SPATA31H1: variants seen among roughly 807,000 people sequenced by gnomAD.
SPATA31H1 encodes spermatogenesis-associated protein 31H1.
At chr2:27,571,582 G>A in the SPATA31H1 span, 1 of 398,362 alleles carries the variant, frequency 2.5e-6, no homozygotes, top group Admixed American at 4.4e-5. Flanking sequence ...AAGATGCAAG[G>A]TGAGTCTATG....
chr2:27,577,819 C>A, the SPATA31H1 span: 6 of 1,614,094 alleles, frequency 3.7e-6, no homozygotes, highest in Admixed American at 1.7e-5. The surrounding 1 kb of genome is among the most constrained non-coding windows in gnomAD (Gnocchi z 4.5). Flanking sequence ...ATGGAGGAAT[C>A]TTTAGAGGTG....
At chr2:27,577,071 T>C in the SPATA31H1 span, 21 of 1,614,004 alleles carry the variant, frequency 1.3e-5, no homozygotes, top group Non-Finnish European at 1.8e-5. The surrounding 1 kb of genome is among the most constrained non-coding windows in gnomAD (Gnocchi z 4.5). Flanking sequence ...GGCACAAGGA[T>C]TGGCATATAA....
the SPATA31H1 span, chr2:27,577,014 A>T: frequency 6.2e-7 from 1 of 1,614,114 alleles, no homozygotes; most frequent in Non-Finnish European, 8.5e-7. This position sits in a 1 kb window ranked among gnomAD's most constrained non-coding sequence, Gnocchi z 4.5. Context: ...TAAATCTGCA[A>T]ATTTGATTTC....
chr2:27,563,851 G>C, the SPATA31H1 span, among the ~76,000 whole-genome samples: 1 of 151,870 alleles, frequency 6.6e-6, no homozygotes, highest in Non-Finnish European at 1.5e-5. Context: ...ATGAGCCACC[G>C]TGCCTGGCTG....
the SPATA31H1 span, chr2:27,570,386 C>A: frequency 2.5e-6 from 1 of 398,872 alleles, no homozygotes; most frequent in Non-Finnish European, 4.4e-6. Context: ...AGCAAGATAT[C>A]AAATTTTCTG....
At chr2:27,537,735 T>C in the SPATA31H1 span, among the ~76,000 whole-genome samples, 2 of 152,268 alleles carry the variant, frequency 1.3e-5, no homozygotes, top group Admixed American at 1.3e-4. Context: ...TTTCCTTCAA[T>C]TCATTTCAAC....
At chr2:27,541,374 GGGAGACCGTGGAA>G in the SPATA31H1 span, among the ~76,000 whole-genome samples, 154 of 151,604 alleles carry the variant, frequency 1.0e-3, 1 homozygote, top group Non-Finnish European at 1.6e-3. Flanking sequence ...CGGCATCAGA[GGGAGACCGTGGAA>G]GGAGACCGTG....
chr2:27,550,536 A>T, the SPATA31H1 span, among the ~76,000 whole-genome samples: 1 of 148,378 alleles, frequency 6.7e-6, no homozygotes, highest in Non-Finnish European at 1.5e-5. Flanking sequence ...CTTGTGCCTC[A>T]GTCTCCTGAG....
the SPATA31H1 span, chr2:27,568,344 G>A: frequency 7.5e-6 from 3 of 398,850 alleles, no homozygotes; most frequent in African/African-American, 2.1e-5. Context: ...GGAATCTGCG[G>A]GCATGACCTC....
At chr2:27,578,239 C>T in the SPATA31H1 span, 4 of 1,614,062 alleles carry the variant, frequency 2.5e-6, no homozygotes, top group African/African-American at 5.3e-5. Flanking sequence ...GAGCACCACA[C>T]AGGGCCATGT....
the SPATA31H1 span, chr2:27,575,789 T>C: frequency 2.5e-6 from 1 of 398,498 alleles, no homozygotes; most frequent in Non-Finnish European, 4.4e-6. The surrounding 1 kb of genome is among the most constrained non-coding windows in gnomAD (Gnocchi z 4.1). Context: ...ATTTGCAAGG[T>C]GTGAATTCTG....
At chr2:27,563,656 T>G in the SPATA31H1 span, among the ~76,000 whole-genome samples, 2 of 151,764 alleles carry the variant, frequency 1.3e-5, no homozygotes, top group African/African-American at 2.4e-5. Flanking sequence ...ACCTTCCAAG[T>G]TGAAGTAATT....
At chr2:27,541,826 G>A in the SPATA31H1 span, among the ~76,000 whole-genome samples, 6 of 152,002 alleles carry the variant, frequency 3.9e-5, no homozygotes. Flanking sequence ...CACCCAGGCT[G>A]GAGTGCAACA....
At chr2:27,556,158 T>A in the SPATA31H1 span, among the ~76,000 whole-genome samples, 2 of 144,210 alleles carry the variant, frequency 1.4e-5, no homozygotes, top group African/African-American at 2.6e-5. Context: ...AAAAAAAAAA[T>A]TCATTGTGTT....
the SPATA31H1 span, chr2:27,577,139 T>G: frequency 6.2e-7 from 1 of 1,614,072 alleles, no homozygotes; most frequent in Non-Finnish European, 8.5e-7. The surrounding 1 kb of genome is among the most constrained non-coding windows in gnomAD (Gnocchi z 4.5). Context: ...CAGGTAGAGC[T>G]AAGGAATCCT....
the SPATA31H1 span, among the ~76,000 whole-genome samples, chr2:27,541,809 C>T: frequency 6.6e-6 from 1 of 151,888 alleles, no homozygotes; most frequent in African/African-American, 2.4e-5. Flanking sequence ...ACAGGTTCTC[C>T]CTCTGTCACC....
At chr2:27,556,248 G>A in the SPATA31H1 span, among the ~76,000 whole-genome samples, 8 of 149,256 alleles carry the variant, frequency 5.4e-5, 1 homozygote, top group African/African-American at 2.0e-4. Context: ...TTGCATCTAA[G>A]GCTTGCACCT....
At chr2:27,567,937 T>G in the SPATA31H1 span, 9 of 398,946 alleles carry the variant, frequency 2.3e-5, no homozygotes, top group Admixed American at 2.6e-4. Flanking sequence ...CCAAGTCAAG[T>G]TGTGAAACCA....
At chr2:27,574,733 A>G in the SPATA31H1 span, 5 of 398,328 alleles carry the variant, frequency 1.3e-5, no homozygotes, top group Non-Finnish European at 2.2e-5. Context: ...CTTCTGAGTT[A>G]ACACCAGAGA....
Sources: allele counts gnomAD v4.1 joint callset (sites outside exome capture counted in the v4.1 genomes callset), GRCh38; gene constraint gnomAD v4.1.1; non-coding constraint Gnocchi (gnomAD v3.1); transcripts MANE v1.5; gene names NCBI Gene and HGNC (gene_info 2026-07-23, HGNC 2026-07-21).